The following PLAC1 variants were observed in gnomAD, a reference collection of about 807,000 sequenced individuals.
PLAC1 encodes placenta-specific protein 1.
For synonymous variants in PLAC1, 68 were observed against 62.1 expected (o/e 1.09, Z -0.44); for missense variants, 136 against 163.2 (o/e 0.83, Z 0.91).
chrX:134,628,503 C>A (rs1361914321), intron 1 of PLAC1, among the ~76,000 whole-genome samples: 1 of 111,992 alleles, frequency 8.9e-6, no homozygotes, highest in Non-Finnish European at 1.9e-5. Flanking sequence ...TGCCCTTGAC[C>A]CTTTCCTGGT....
intron 2 of PLAC1, among the ~76,000 whole-genome samples, chrX:134,597,954 A>G (rs904287588): frequency 1.8e-5 from 2 of 111,017 alleles, no homozygotes; most frequent in African/African-American, 6.6e-5. Context: ...GAACTCACGA[A>G]CTCATGTCAC....
chrX:134,595,537 T>C (rs2078058257), intron 2 of PLAC1, among the ~76,000 whole-genome samples: 1 of 108,992 alleles, frequency 9.2e-6, no homozygotes, highest in African/African-American at 3.3e-5. Context: ...AGCTCTGTTG[T>C]TTGGTGCATG....
intron 2 of PLAC1, among the ~76,000 whole-genome samples, chrX:134,707,379 T>C (rs893371501): frequency 3.6e-5 from 4 of 112,560 alleles, no homozygotes; most frequent in Admixed American, 9.4e-5. Context: ...TAGGTATACA[T>C]GTGCCATGTT....
intron 2 of PLAC1, among the ~76,000 whole-genome samples, chrX:134,701,019 T>A (rs750066056): frequency 4.9e-4 from 55 of 111,742 alleles, no homozygotes; most frequent in Non-Finnish European, 9.0e-4. Flanking sequence ...AGGCATCACA[T>A]TACACGACTT....
At chrX:134,664,652 C>A (rs2078430051) in intron 2 of PLAC1, among the ~76,000 whole-genome samples, 1 of 112,200 alleles carries the variant, frequency 8.9e-6, no homozygotes, top group South Asian at 3.7e-4. Flanking sequence ...AGATGCAGTG[C>A]AAGGTGATGT....
intron 2 of PLAC1, among the ~76,000 whole-genome samples, chrX:134,678,611 T>C (rs747954424): frequency 4.5e-4 from 50 of 111,959 alleles, no homozygotes; most frequent in Admixed American, 7.6e-4. Flanking sequence ...TTATTGTCTA[T>C]CTATCTTCTA....
chrX:134,717,107 C>T (rs1010607199), intron 2 of PLAC1, among the ~76,000 whole-genome samples: 3 of 111,721 alleles, frequency 2.7e-5, no homozygotes, highest in African/African-American at 9.8e-5. Context: ...AAAAAGAGTA[C>T]TTACTCTAAG....
intron 2 of PLAC1, among the ~76,000 whole-genome samples, chrX:134,731,417 T>C (rs1395835753): frequency 1.8e-5 from 2 of 112,707 alleles, no homozygotes; most frequent in Non-Finnish European, 1.9e-5. Flanking sequence ...TTTTTGTCAA[T>C]AGATTAGGTT....
intron 1 of PLAC1, among the ~76,000 whole-genome samples, chrX:134,621,619 CTGAG>C (rs2078211675): frequency 9.0e-6 from 1 of 111,047 alleles, no homozygotes; most frequent in Non-Finnish European, 1.9e-5. Context: ...CAGAATATGG[CTGAG>C]TATGTTCACT....
At chrX:134,698,609 CT>C (rs768934221) in intron 2 of PLAC1, among the ~76,000 whole-genome samples, 1 of 111,492 alleles carries the variant, frequency 9.0e-6, no homozygotes, top group East Asian at 2.8e-4. Context: ...TGTGCTTGAT[CT>C]CTCCATGTTA....
chrX:134,601,188 A>G (rs929286513), intron 2 of PLAC1, among the ~76,000 whole-genome samples: 1 of 111,839 alleles, frequency 8.9e-6, no homozygotes, highest in Non-Finnish European at 1.9e-5. Context: ...ATATTCTTCT[A>G]AACATGATTT....
chrX:134,644,851 C>G (rs1419569352), intron 1 of PLAC1, among the ~76,000 whole-genome samples: 2 of 111,750 alleles, frequency 1.8e-5, no homozygotes, highest in Non-Finnish European at 3.8e-5. Context: ...GTCTCTAGTC[C>G]AGGCGCATGT....
At chrX:134,569,788 T>TGTGTGTGTGTGTTTG (rs1365028157) in intron 2 of PLAC1, among the ~76,000 whole-genome samples, 1 of 47,384 alleles carries the variant, frequency 2.1e-5, no homozygotes, top group Non-Finnish European at 4.0e-5. Context: ...GTGTGTGTGT[T>TGTGTGTGTGTGTTTG]TGTGTGTGTG....
intron 1 of PLAC1, among the ~76,000 whole-genome samples, chrX:134,612,906 G>C (rs1219440735): frequency 9.0e-6 from 1 of 110,642 alleles, no homozygotes; most frequent in African/African-American, 3.3e-5. Context: ...TGTACTTGAG[G>C]GTATATGGGG....
intron 2 of PLAC1, among the ~76,000 whole-genome samples, chrX:134,712,942 G>A (rs1296190385): frequency 8.9e-6 from 1 of 112,169 alleles, no homozygotes; most frequent in Non-Finnish European, 1.9e-5. Context: ...TTATTGTAAA[G>A]ATAACCTTGA....
chrX:134,653,097 A>G (rs1044734477), intron 1 of PLAC1, among the ~76,000 whole-genome samples: 13 of 112,756 alleles, frequency 1.2e-4, no homozygotes, highest in African/African-American at 4.2e-4. Flanking sequence ...TTCCACAATC[A>G]TTACAGTCCA....
chrX:134,729,589 G>A, intron 2 of PLAC1, among the ~76,000 whole-genome samples: 1 of 110,899 alleles, frequency 9.0e-6, no homozygotes, highest in Non-Finnish European at 1.9e-5. Flanking sequence ...AGAGCCAGGA[G>A]TATGATTTCA....
At chrX:134,668,782 C>G (rs1024909356) in intron 2 of PLAC1, among the ~76,000 whole-genome samples, 2 of 112,611 alleles carry the variant, frequency 1.8e-5, no homozygotes, top group Non-Finnish European at 3.8e-5. Context: ...CCCAAATTTC[C>G]CTGAGATTGG....
chrX:134,743,282 T>C (rs2078721480), intron 1 of PLAC1, among the ~76,000 whole-genome samples: 1 of 112,480 alleles, frequency 8.9e-6, no homozygotes, highest in Admixed American at 9.4e-5. Context: ...TAATTCAGTT[T>C]TGTCTGTATG....
Sources: allele counts gnomAD v4.1 joint callset (sites outside exome capture counted in the v4.1 genomes callset), GRCh38; gene constraint gnomAD v4.1.1; transcripts MANE v1.5; gene names NCBI Gene and HGNC (gene_info 2026-07-23, HGNC 2026-07-21).